ABRAXAS2: variants seen among roughly 807,000 people sequenced by gnomAD.
The protein encoded by ABRAXAS2 is abraxas 2, BRISC complex subunit.
ABRAXAS2 carries 23 observed loss-of-function variants against 49.0 expected under a neutral mutation model. The ratio of observed to expected loss-of-function variants is 0.47; its 90% confidence interval spans 0.34 to 0.66. The LOEUF (loss-of-function observed/expected upper bound fraction) is 0.66, where lower values mean the gene tolerates loss of function less well. Among genes scored for constraint, ABRAXAS2 ranks in the 30% least tolerant of loss-of-function variants. The pLI is 0.01. For missense variants in ABRAXAS2, 443 were observed against 511.9 expected, an observed-to-expected ratio of 0.87 and a Z score of 1.30; for synonymous variants, 168 against 180.2, an observed-to-expected ratio of 0.93 and a Z score of 0.54.
chr10:124,823,013 C>G (rs978764792), intron 4 of ABRAXAS2, among the ~76,000 whole-genome samples: 13 of 152,100 alleles, frequency 8.5e-5, no homozygotes, highest in African/African-American at 3.1e-4. Context: ...TGTGCTAAAA[C>G]AAATGTTCGT....
intron 2 of ABRAXAS2, among the ~76,000 whole-genome samples, chr10:124,813,789 T>G (rs368650894): frequency 1.1e-3 from 168 of 152,322 alleles, no homozygotes; most frequent in African/African-American, 3.9e-3. Context: ...GTTTGTAAAT[T>G]TGAAAGAAAC....
chr10:124,808,167 T>C (rs1322202964), intron 2 of ABRAXAS2, among the ~76,000 whole-genome samples: 1 of 151,698 alleles, frequency 6.6e-6, no homozygotes, highest in East Asian at 1.9e-4. Flanking sequence ...TTCATTTATT[T>C]ATGCGGCAAA....
At position 124,816,593 on chromosome 10, in the gene ABRAXAS2, C is replaced by T. The variant is rs1220847048; in HGVS notation, c.181C>T (p.Pro61Ser). ...AATTACAGAAATCCATAACCATCAG[C>T]CTTGTTCAAAACTTTTTAGGTAAGC... ...LQVIEIHNHQPCSKLFSFYDY... is the reference protein window; with the variant it reads ...LQVIEIHNHQSCSKLFSFYDY... Residue 61 changes from proline (P) to serine (S), a missense_variant, in exon 3 of 9, where the codon CCT (proline) becomes TCT (serine). Around this residue, in one of 3 missense-constraint regions of ABRAXAS2, gnomAD observed 166 missense variants for 247.3 expected, o/e 0.67. Coordinates refer to ENST00000298492, the MANE Select transcript of ABRAXAS2 (RefSeq NM_032182.4). 1.2e-6 allele frequency: 2 copies of T among 1,602,490 alleles called. No homozygotes were observed. Among genetic ancestry groups the T allele is most frequent in the Non-Finnish European group, 1.7e-6 (2 of 1,170,428 alleles).
intron 2 of ABRAXAS2, among the ~76,000 whole-genome samples, chr10:124,812,811 C>A (rs2559513): frequency 0.98 from 149,665 of 152,348 alleles, 73,548 homozygotes; most frequent in Non-Finnish European, 1. Context: ...TTTTAAATAC[C>A]ATAAATTGAC....
chr10:124,827,371 A>G (rs939539757), intron 5 of ABRAXAS2, among the ~76,000 whole-genome samples: 7 of 152,012 alleles, frequency 4.6e-5, no homozygotes, highest in African/African-American at 1.7e-4. Flanking sequence ...CATTTTGGCC[A>G]GGCTGGTTTT....
intron 4 of ABRAXAS2, among the ~76,000 whole-genome samples, chr10:124,825,999 A>G (rs1352463427): frequency 6.6e-6 from 1 of 152,248 alleles, no homozygotes; most frequent in Non-Finnish European, 1.5e-5. Context: ...GTATTCTTCC[A>G]GAGTGCATAA....
At chr10:124,833,248 C>G (rs578232055) in intron 8 of ABRAXAS2, among the ~76,000 whole-genome samples, 46 of 151,194 alleles carry the variant, frequency 3.0e-4, no homozygotes, top group African/African-American at 1.1e-3. Context: ...AGGTGGATCA[C>G]TGGTGCCCAG....
At chr10:124,831,569 C>G (rs189304951) in intron 8 of ABRAXAS2, 106 bp downstream of exon 8, 45 of 607,544 alleles carry the variant, frequency 7.4e-5, no homozygotes, top group Admixed American at 7.1e-4. Flanking sequence ...CTCATCCAGT[C>G]TCAGATTAGC....
rs563318197 is a variant in ABRAXAS2, at chr10:124,835,186, A to T, written c.*215A>T. On this transcript the variant is annotated 3_prime_UTR_variant, in exon 9 of 9. Transcript: ENST00000298492. ...TCATGACAGAATCATTAAGATAATC[A>T]AATTGTCCTAATTCTGGTGCGATTC... 2.0e-4 allele frequency: 88 copies of T among 451,132 alleles called. No individual in the cohort carries two copies. The highest frequency in any genetic ancestry group is 1.6e-3 in the African/African-American group (79 of 50,278). 27.9% of individuals were successfully genotyped at this position (451,132 alleles called of 1,614,324 possible). A position where few individuals can be genotyped will look rare whatever the true frequency, so the allele number is the denominator to read the frequency against.
At chr10:124,809,900 G>GCC (rs1950774978) in intron 2 of ABRAXAS2, among the ~76,000 whole-genome samples, 1 of 149,216 alleles carries the variant, frequency 6.7e-6, no homozygotes, top group African/African-American at 2.5e-5. Context: ...ATACAGGCAT[G>GCC]CGCCACCATG....
chr10:124,810,475 G>A (rs969145291), intron 2 of ABRAXAS2, among the ~76,000 whole-genome samples: 11 of 152,092 alleles, frequency 7.2e-5, no homozygotes, highest in Admixed American at 7.2e-4. Flanking sequence ...ACAGTGAACC[G>A]TGATCATACC....
chr10:124,821,346 C>T (rs1273624256), intron 4 of ABRAXAS2, among the ~76,000 whole-genome samples: 2 of 152,054 alleles, frequency 1.3e-5, no homozygotes, highest in African/African-American at 4.8e-5. Flanking sequence ...GCAGGTGGGT[C>T]ACGAGGTCAG....
In ABRAXAS2 at chr10:124,817,344, C is replaced by T. The variant is rs1210711558; in HGVS notation, c.200+732C>T. 3.9e-5 allele frequency among the ~76,000 whole-genome samples: 6 copies of T among 152,112 alleles called. No homozygotes were observed. The South Asian group carries it at 1.2e-3, about 32-fold the overall frequency. ...AAGGAGAAAGCATACAACAGAGAGA[C>T]ACCTGGAGGGAAAAGAGTGAGGAAA... On this transcript the variant is annotated intron_variant, in intron 3 of 8. Coordinates refer to ENST00000298492, the MANE Select transcript of ABRAXAS2 (RefSeq NM_032182.4).
chr10:124,807,924 C>T (rs1249994232), intron 2 of ABRAXAS2, among the ~76,000 whole-genome samples: 1 of 152,140 alleles, frequency 6.6e-6, no homozygotes, highest in African/African-American at 2.4e-5. Flanking sequence ...AGGATATTTA[C>T]ATTTGTTTAC....
chr10:124,819,642 T>C (rs573360984), intron 4 of ABRAXAS2, among the ~76,000 whole-genome samples, 192 bp downstream of exon 4: 13 of 152,254 alleles, frequency 8.5e-5, no homozygotes, highest in Admixed American at 8.5e-4. Flanking sequence ...CCATTATTAT[T>C]ACATGCCTGT....
intron 1 of ABRAXAS2, among the ~76,000 whole-genome samples, chr10:124,803,510 G>A (rs1223525347): frequency 6.6e-6 from 1 of 151,762 alleles, no homozygotes; most frequent in East Asian, 1.9e-4. Context: ...GGGCCAGATA[G>A]TAAACTTTGT....
rs1371383607 is a variant in ABRAXAS2 at position 124,834,781 on chromosome 10, G to A, written c.1058G>A (p.Gly353Glu). ...ACCAGTGCCGGACTGAAGTATCCTG[G>A]AAGTGGGGCTGACCTTCCTCCTCCC... ...ASTSAGLKYP[G>E]SGADLPPPQR... The change falls in exon 9 of 9, where the codon GGA becomes GAA. Residue 353 changes from glycine (G) to glutamate (E), a missense_variant. Gly to Glu is a moderately conservative substitution (Grantham distance 98). Coordinates refer to ENST00000298492, the MANE Select transcript of ABRAXAS2 (RefSeq NM_032182.4). The A allele has an allele frequency of 6.2e-7, 1 of 1,614,016 alleles. No homozygotes were observed. Among genetic ancestry groups the A allele is most frequent in the Non-Finnish European group, 8.5e-7 (1 of 1,180,040 alleles).
chr10:124,808,512 A>T (rs1386763588), intron 2 of ABRAXAS2, among the ~76,000 whole-genome samples: 1 of 152,098 alleles, frequency 6.6e-6, no homozygotes, highest in East Asian at 1.9e-4. Flanking sequence ...TTCATATGTG[A>T]GGCGTGTGCT....
At chr10:124,817,850 T>C (rs1589806124) in intron 3 of ABRAXAS2, among the ~76,000 whole-genome samples, 4 of 152,142 alleles carry the variant, frequency 2.6e-5, no homozygotes, top group Admixed American at 2.6e-4. Context: ...TCGCCTCTTT[T>C]AGATTTACAC....
Sources: allele counts gnomAD v4.1 joint callset (sites outside exome capture counted in the v4.1 genomes callset), GRCh38; gene constraint gnomAD v4.1.1; regional missense constraint gnomAD v4.1.1; transcripts MANE v1.5; gene names NCBI Gene and HGNC (gene_info 2026-07-23, HGNC 2026-07-21).